Variants in LHFPL1 observed in about 807,000 individuals in gnomAD.
The protein encoded by LHFPL1 is LHFPL tetraspan subfamily member 1.
A neutral mutation model predicts 12.1 loss-of-function variants in LHFPL1; 4 were observed. The observed-to-expected ratio is 0.33, with a 90% CI of 0.16 to 0.76. The LOEUF (loss-of-function observed/expected upper bound fraction) is 0.76, where lower values mean the gene tolerates loss of function less well. Ranked by LOEUF, LHFPL1 falls within the 30% of genes least tolerant of loss-of-function variation. The probability of loss-of-function intolerance (pLI) is 0.61; values close to 1 mark genes in which losing one functional copy is unlikely to be tolerated. For missense variants in LHFPL1, 141 were observed against 174.1 expected, an observed-to-expected ratio of 0.81 and a Z score of 1.07; for synonymous variants, 52 against 61.9, an observed-to-expected ratio of 0.84 and a Z score of 0.75.
At chrX:112,677,895 C>G (rs955292208) in intron 1 of LHFPL1, among the ~76,000 whole-genome samples, 19 of 110,820 alleles carry the variant, frequency 1.7e-4, no homozygotes, top group Non-Finnish European at 3.6e-4. Context: ...GTTTGCTGAA[C>G]TTCTTTCTGG....
chrX:112,658,943 T>C (rs1181270319), intron 3 of LHFPL1, among the ~76,000 whole-genome samples: 1 of 111,889 alleles, frequency 8.9e-6, no homozygotes, highest in Non-Finnish European at 1.9e-5. Flanking sequence ...TATTCAGACA[T>C]GAAAAGAAAT....
chrX:112,674,566 T>C (rs776566790), intron 1 of LHFPL1, among the ~76,000 whole-genome samples: 4 of 106,372 alleles, frequency 3.8e-5, no homozygotes, highest in Non-Finnish European at 7.8e-5. Flanking sequence ...ATATCCAGAA[T>C]CTACAACGAA....
At chrX:112,670,432 G>A (rs1430065348) in intron 2 of LHFPL1, among the ~76,000 whole-genome samples, 3 of 112,430 alleles carry the variant, frequency 2.7e-5, no homozygotes, top group Admixed American at 9.4e-5. Context: ...GGTGGGTCAA[G>A]GTCACAAGAA....
At chrX:112,643,561 T>A (rs935260649) in intron 3 of LHFPL1, among the ~76,000 whole-genome samples, 2 of 109,880 alleles carry the variant, frequency 1.8e-5, no homozygotes, top group Non-Finnish European at 3.8e-5. Context: ...CTTGTGAGAC[T>A]CGCTTATTAT....
intron 2 of LHFPL1, among the ~76,000 whole-genome samples, chrX:112,668,433 G>A (rs1322390318): frequency 3.6e-5 from 4 of 112,365 alleles, no homozygotes; most frequent in Admixed American, 9.4e-5. Context: ...GAGGTCTAGC[G>A]ATCTGTCCCA....
At chrX:112,657,909 C>CAAAAAAAAAAAAAAAAA (rs57793060) in intron 3 of LHFPL1, among the ~76,000 whole-genome samples, 2 of 61,334 alleles carry the variant, frequency 3.3e-5, no homozygotes, top group African/African-American at 9.2e-5. Context: ...AAAACAGAAG[C>CAAAAAAAAAAAAAAAAA]AAAAAAAAAA....
chrX:112,651,780 C>T (rs1930860030), intron 3 of LHFPL1, among the ~76,000 whole-genome samples: 1 of 112,378 alleles, frequency 8.9e-6, no homozygotes, highest in Non-Finnish European at 1.9e-5. Flanking sequence ...TCGTCACCAT[C>T]CCCATAGCCA....
At chrX:112,654,466 C>A (rs981508567) in intron 3 of LHFPL1, among the ~76,000 whole-genome samples, 1 of 110,592 alleles carries the variant, frequency 9.0e-6, no homozygotes, top group East Asian at 2.8e-4. Context: ...AAGCGAAAAA[C>A]GCAAGGTGCA....
In LHFPL1 at chrX:112,642,591, G is replaced by A. The variant is rs564283168; in HGVS notation, c.482-10990C>T. 2.6e-4 allele frequency among the ~76,000 whole-genome samples: 28 copies of A among 107,791 alleles called. No homozygotes were observed. The South Asian group carries it at 8.1e-3, about 31-fold the overall frequency. 93.6% of individuals were successfully genotyped at this position (107,791 alleles called of 115,157 possible). A position where few individuals can be genotyped will look rare whatever the true frequency, so the allele number is the denominator to read the frequency against. On this transcript the variant is annotated intron_variant, in intron 3 of 3. Transcript: ENST00000371968. ...TCACAATTCTGCATTCATTTTTCCA[G>A]TCATTGAGCCTACTAGGCCCTCTGC...
At chrX:112,659,880 AATCT>A (rs1164753670) in intron 3 of LHFPL1, among the ~76,000 whole-genome samples, 1 of 112,137 alleles carries the variant, frequency 8.9e-6, no homozygotes, top group East Asian at 2.8e-4. Flanking sequence ...CTCAAAAATC[AATCT>A]GAGGCAACAG....
chrX:112,654,761 C>T (rs1001322849), intron 3 of LHFPL1, among the ~76,000 whole-genome samples: 7 of 110,858 alleles, frequency 6.3e-5, no homozygotes, highest in Non-Finnish European at 1.1e-4. Context: ...TTTAAAATAA[C>T]GATCTGAAAT....
chrX:112,631,233 G>A lies in LHFPL1; in HGVS notation c.*187C>T, dbSNP rs993062896. ...AATGTCTGAGAATGTTTCCTCTGAT[G>A]AATTTTATAAACAGCCAGTGACCTA... On this transcript the variant is annotated 3_prime_UTR_variant, in exon 4 of 4. Coordinates refer to ENST00000371968, the MANE Select transcript of LHFPL1 (RefSeq NM_178175.4). 5 of 356,783 alleles carry A rather than the reference G, an allele frequency of 1.4e-5. No individual in the cohort carries two copies. The highest frequency in any genetic ancestry group is 2.4e-5 in the Non-Finnish European group (5 of 207,654). 29.4% of individuals were successfully genotyped at this position (356,783 alleles called of 1,213,427 possible).
chrX:112,671,486 C>G lies in LHFPL1; in HGVS notation c.-14-82G>C, dbSNP rs139600227. 2,254 of 1,193,294 alleles carry G rather than the reference C, an allele frequency of 1.9e-3. 33 individuals are homozygous for G. In the African/African-American group the frequency reaches 0.034, roughly 18 times the overall value. ...TAGGCTCCACTGGCCTATTTTTCAT[C>G]TGGTTGGCCAGTCCTGGGGCTCAAT... On this transcript the variant is annotated intron_variant, in intron 1 of 3. Coordinates refer to ENST00000371968, the MANE Select transcript of LHFPL1 (RefSeq NM_178175.4).
At chrX:112,655,731 C>A (rs933145531) in intron 3 of LHFPL1, among the ~76,000 whole-genome samples, 2 of 111,292 alleles carry the variant, frequency 1.8e-5, no homozygotes, top group Non-Finnish European at 3.8e-5. Flanking sequence ...CCATGCCCAG[C>A]TAATTATTTT....
intron 1 of LHFPL1, among the ~76,000 whole-genome samples, chrX:112,676,025 T>C (rs1481661201): frequency 8.9e-6 from 1 of 112,049 alleles, no homozygotes; most frequent in African/African-American, 3.2e-5. Flanking sequence ...CCAACTTCCC[T>C]TGTGGCTGGA....
intron 3 of LHFPL1, among the ~76,000 whole-genome samples, chrX:112,653,470 C>T (rs1242497629): frequency 8.9e-6 from 1 of 112,152 alleles, no homozygotes; most frequent in African/African-American, 3.2e-5. Flanking sequence ...TATTAATTAT[C>T]GTTAACATCA....
At chrX:112,675,920 C>T (rs1184228613) in intron 1 of LHFPL1, among the ~76,000 whole-genome samples, 1 of 112,262 alleles carries the variant, frequency 8.9e-6, no homozygotes, top group Non-Finnish European at 1.9e-5. Flanking sequence ...AAATGCAAAC[C>T]TTTCTAAATC....
At position 112,631,241 on chromosome X, in the gene LHFPL1, T is replaced by C; in HGVS notation, c.*179A>G. ...AGAATGTTTCCTCTGATGAATTTTATAAACAGCCAGTGACCTACTGGCTTA... is the reference window on the plus strand; with the variant it reads ...AGAATGTTTCCTCTGATGAATTTTACAAACAGCCAGTGACCTACTGGCTTA... On this transcript the variant is annotated 3_prime_UTR_variant, in exon 4 of 4. Coordinates refer to ENST00000371968, the MANE Select transcript of LHFPL1 (RefSeq NM_178175.4). The C allele has an allele frequency of 2.7e-6, 1 of 365,742 alleles. No homozygotes were observed. The allele number at this position is 365,742 out of a possible 1,213,427, so 30.1% of individuals were successfully genotyped here. A position where few individuals can be genotyped will look rare whatever the true frequency, so the allele number is the denominator to read the frequency against.
chrX:112,672,291 A>G (rs1931531263), intron 1 of LHFPL1, among the ~76,000 whole-genome samples: 1 of 111,995 alleles, frequency 8.9e-6, no homozygotes, highest in African/African-American at 3.3e-5. Flanking sequence ...ATATAGCTGT[A>G]AGGACCTTTC....
Sources: gnomAD v4.1 joint callset for allele counts (sites outside exome capture counted in the v4.1 genomes callset) on GRCh38, gnomAD v4.1.1 for gene constraint, MANE v1.5 for transcripts, NCBI Gene and HGNC (gene_info 2026-07-23, HGNC 2026-07-21) for gene names.